CASK: variants seen among roughly 807,000 people sequenced by gnomAD.
The protein encoded by CASK is peripheral plasma membrane protein CASK.
Under a neutral mutation model 82.9 loss-of-function variants are expected in CASK, and 4 were observed. The ratio of observed to expected loss-of-function variants is 0.05; its 90% CI spans 0.02 to 0.11. The LOEUF (loss-of-function observed/expected upper bound fraction) is 0.11. Ranked by LOEUF, CASK falls within the 10% of genes least tolerant of loss-of-function variation. CASK has a pLI of 1.00. For missense variants in CASK, 358 were observed against 720.9 expected (o/e 0.50, Z 5.76); for synonymous variants, 259 against 253.5 (o/e 1.02, Z -0.20).
At chrX:41,728,988 T>A (rs2068318488) in intron 5 of CASK, 1 of 123,455 alleles carries the variant, frequency 8.1e-6, no homozygotes, top group Non-Finnish European at 1.9e-5. Context: ...AGTAAAAAGC[T>A]ATGTCATTAT....
At chrX:41,570,952 T>C (rs2065404137) in intron 15 of CASK, 1 of 112,328 alleles carries the variant, frequency 8.9e-6, no homozygotes, top group African/African-American at 3.2e-5. Flanking sequence ...TGCATTTGTA[T>C]GTCATCCTTA....
chrX:41,556,983 A>G (rs775694114), intron 19 of CASK, 49 bp downstream of exon 19: 8 of 987,704 alleles, frequency 8.1e-6, no homozygotes, highest in Non-Finnish European at 1.2e-5. Flanking sequence ...ATGGCAGGTG[A>G]GCACCAACAA....
At chrX:41,702,888 G>A (rs754084543) in intron 5 of CASK, among the ~76,000 whole-genome samples, 1 of 112,156 alleles carries the variant, frequency 8.9e-6, no homozygotes, top group African/African-American at 3.2e-5. Context: ...TCTGAAACAT[G>A]TACGATAATC....
At position 41,676,311 on chromosome X, in the gene CASK, C is replaced by T. The variant is rs1489380800; in HGVS notation, c.430-4781G>A. 5.2e-5 allele frequency: 62 copies of T among 1,196,053 alleles called. 1 individual carries two copies. The highest frequency in any genetic ancestry group is 2.8e-4 in the South Asian group (16 of 56,695). ...TCCGTCTTTTGTTCAATACTTGAGA[C>T]GACCCTCCAAGATGACCTACGGGCT... On this transcript the variant is annotated intron_variant, in intron 5 of 26. Coordinates refer to ENST00000378163, the MANE Select transcript of CASK (RefSeq NM_001367721.1).
At chrX:41,809,624 C>T (rs2070225220) in intron 2 of CASK, among the ~76,000 whole-genome samples, 1 of 111,801 alleles carries the variant, frequency 8.9e-6, no homozygotes, top group South Asian at 3.7e-4. Context: ...GTAGATAAAA[C>T]CACAAAGATA....
At chrX:41,692,057 C>T (rs1277778239) in intron 5 of CASK, among the ~76,000 whole-genome samples, 1 of 111,014 alleles carries the variant, frequency 9.0e-6, no homozygotes, top group Non-Finnish European at 1.9e-5. Context: ...CTGTACCTGG[C>T]CAACCTTTTG....
At chrX:41,796,323 G>A (rs1305324585) in intron 2 of CASK, among the ~76,000 whole-genome samples, 2 of 112,629 alleles carry the variant, frequency 1.8e-5, no homozygotes, top group Non-Finnish European at 3.8e-5. Flanking sequence ...TAAAGTATGT[G>A]AGAGTGCACA....
At chrX:41,565,281 T>C (rs1261280668) in intron 16 of CASK, among the ~76,000 whole-genome samples, 2 of 110,982 alleles carry the variant, frequency 1.8e-5, no homozygotes, top group Non-Finnish European at 3.8e-5. Context: ...CTTCAAAATA[T>C]CAATGAATCC....
chrX:41,778,450 C>T (rs968090423), intron 3 of CASK, among the ~76,000 whole-genome samples: 7 of 111,085 alleles, frequency 6.3e-5, no homozygotes, highest in African/African-American at 2.0e-4. Context: ...AGGTTAGTCT[C>T]AAACTTCTGA....
chrX:41,747,643 G>A (rs1361362516), intron 3 of CASK, among the ~76,000 whole-genome samples: 10 of 111,606 alleles, frequency 9.0e-5, no homozygotes, highest in Non-Finnish European at 1.5e-4. Context: ...GGGTTTCACC[G>A]TGTTAGCCAG....
intron 3 of CASK, among the ~76,000 whole-genome samples, chrX:41,758,029 T>C (rs2068929298): frequency 1.8e-5 from 2 of 112,551 alleles, no homozygotes; most frequent in Non-Finnish European, 3.8e-5. Context: ...GGGGGGATTA[T>C]GTTTCATTCA....
At chrX:41,673,045 A>T (rs186999531) in intron 5 of CASK, among the ~76,000 whole-genome samples, 1 of 112,062 alleles carries the variant, frequency 8.9e-6, no homozygotes, top group African/African-American at 3.2e-5. Flanking sequence ...CAGAAGAAAA[A>T]AGTGCAAACT....
At chrX:41,700,307 A>C (rs748443329) in intron 5 of CASK, among the ~76,000 whole-genome samples, 1 of 112,033 alleles carries the variant, frequency 8.9e-6, no homozygotes, top group East Asian at 2.8e-4. Context: ...TTTGAACGAA[A>C]GACTTACTGA....
chrX:41,718,014 A>G (rs2068093068), intron 5 of CASK, among the ~76,000 whole-genome samples: 1 of 112,277 alleles, frequency 8.9e-6, no homozygotes, highest in East Asian at 2.8e-4. Flanking sequence ...TGGAACATTT[A>G]GCCCTACTCC....
intron 24 of CASK, among the ~76,000 whole-genome samples, chrX:41,532,798 A>C (rs369664781): frequency 2.6e-4 from 29 of 111,371 alleles, no homozygotes; most frequent in African/African-American, 8.5e-4. Flanking sequence ...CAAAAGCTGA[A>C]GAACCGGCGT....
chrX:41,565,394 T>TA (rs1275013041), intron 16 of CASK, among the ~76,000 whole-genome samples: 1 of 111,735 alleles, frequency 8.9e-6, no homozygotes, highest in Non-Finnish European at 1.9e-5. Context: ...TTAAAAATGA[T>TA]AAACGGGATA....
chrX:41,601,303 T>C (rs2065891243), intron 12 of CASK, among the ~76,000 whole-genome samples: 2 of 111,900 alleles, frequency 1.8e-5, no homozygotes, highest in African/African-American at 6.5e-5. Context: ...AAAATTGATG[T>C]TAAAAAAGTA....
chrX:41,695,077 A>C (rs1043372373), intron 5 of CASK, among the ~76,000 whole-genome samples: 2 of 111,566 alleles, frequency 1.8e-5, no homozygotes, highest in African/African-American at 6.5e-5. Flanking sequence ...CTGTATTCCC[A>C]TAAGAACTTC....
chrX:41,637,438 G>A (rs1312320624), intron 8 of CASK, among the ~76,000 whole-genome samples: 1 of 74,656 alleles, frequency 1.3e-5, no homozygotes, highest in African/African-American at 5.8e-5. Flanking sequence ...TGTTGCCCAG[G>A]CTAGAGTGTA....
Sources: allele counts gnomAD v4.1 joint callset (sites outside exome capture counted in the v4.1 genomes callset), GRCh38; gene constraint gnomAD v4.1.1; transcripts MANE v1.5; gene names NCBI Gene and HGNC (gene_info 2026-07-23, HGNC 2026-07-21).